RFTN2: variants seen among roughly 807,000 people sequenced by gnomAD.
The protein encoded by RFTN2 is raftlin family member 2, also known as raftlin-2.
RFTN2 carries 34 observed loss-of-function variants against 52.7 expected under a neutral mutation model. The ratio of observed to expected loss-of-function variants is 0.64; its 90% confidence interval spans 0.49 to 0.86. The LOEUF is 0.86. Ranked by LOEUF, RFTN2 falls within the 40% of genes least tolerant of loss-of-function variation. The pLI, the probability that RFTN2 is intolerant of heterozygous loss-of-function variation, is 0.00. For missense variants in RFTN2, 536 were observed against 600.1 expected (o/e 0.89, Z 1.12); for synonymous variants, 203 against 217.7 (o/e 0.93, Z 0.59).
intron 5 of RFTN2, among the ~76,000 whole-genome samples, chr2:197,619,343 CG>C (rs1429977690): frequency 7.0e-4 from 107 of 152,184 alleles, no homozygotes; most frequent in Middle Eastern, 6.8e-3. Context: ...GGATGGTTGC[CG>C]TGTCTGTGTA....
chr2:197,626,709 C>T (rs927686116), intron 5 of RFTN2, among the ~76,000 whole-genome samples: 1 of 134,452 alleles, frequency 7.4e-6, no homozygotes, highest in African/African-American at 2.9e-5. Context: ...GCAACCTCTG[C>T]CTCCTGGCAA....
intron 1 of RFTN2, among the ~76,000 whole-genome samples, chr2:197,653,098 A>G (rs2088846197): frequency 6.6e-6 from 1 of 152,206 alleles, no homozygotes; most frequent in Non-Finnish European, 1.5e-5. Flanking sequence ...TATATTATTA[A>G]TATCTGCCTC....
chr2:197,605,956 C>T (rs2087955499), intron 7 of RFTN2, among the ~76,000 whole-genome samples: 1 of 152,196 alleles, frequency 6.6e-6, no homozygotes, highest in Admixed American at 6.5e-5. Flanking sequence ...CTACCATATT[C>T]ACCTGCCTTA....
chr2:197,619,448 A>G (rs1362630605), intron 5 of RFTN2, among the ~76,000 whole-genome samples: 2 of 152,082 alleles, frequency 1.3e-5, no homozygotes, highest in African/African-American at 2.4e-5. Flanking sequence ...CTTACCCCCA[A>G]CCCTGTGCTC....
At position 197,569,000 on chromosome 2, in the gene RFTN2, T is replaced by C. The variant is rs569179513; in HGVS notation, c.*3008A>G. On this transcript the variant is annotated 3_prime_UTR_variant, in exon 9 of 9. Transcript: ENST00000295049. The stretch of plus-strand genomic sequence containing the variant: ...AAGCCCTAGAATCTCTCAAAGAGGG[T>C]GACCTTTCCTTTTCTCTTTTACTGA... 6.6e-6 allele frequency: 1 copy of C among 152,352 alleles called. No homozygotes were observed. The highest frequency in any genetic ancestry group is 2.4e-5 in the African/African-American group (1 of 41,578). The allele number at this position is 152,352 out of a possible 1,614,324, so 9.4% of individuals were successfully genotyped here.
chr2:197,613,716 C>G (rs758878829), intron 7 of RFTN2, among the ~76,000 whole-genome samples: 2 of 152,208 alleles, frequency 1.3e-5, no homozygotes, highest in Non-Finnish European at 2.9e-5. Flanking sequence ...TACCAAATGA[C>G]CTTCATCCTA....
intron 1 of RFTN2, 126 bp from the exon 2 acceptor site, chr2:197,646,792 G>A: frequency 1.6e-6 from 1 of 621,950 alleles, no homozygotes; most frequent in East Asian, 3.7e-5. Flanking sequence ...GCACATGCGT[G>A]TAATCCCAGC....
chr2:197,637,266 G>A (rs1225692561), intron 3 of RFTN2, among the ~76,000 whole-genome samples: 1 of 152,072 alleles, frequency 6.6e-6, no homozygotes, highest in Non-Finnish European at 1.5e-5. Flanking sequence ...AAATGAGTTA[G>A]GGAGGATTCC....
intron 5 of RFTN2, among the ~76,000 whole-genome samples, chr2:197,628,891 C>T (rs1365285110): frequency 6.6e-6 from 1 of 152,210 alleles, no homozygotes; most frequent in Non-Finnish European, 1.5e-5. Context: ...GAAGATGACA[C>T]AGCTAATAAG....
At chr2:197,610,082 T>C (rs559768515) in intron 7 of RFTN2, among the ~76,000 whole-genome samples, 1 of 152,350 alleles carries the variant, frequency 6.6e-6, no homozygotes, top group African/African-American at 2.4e-5. Flanking sequence ...TGGCTTAGGA[T>C]TTTCTTGGCA....
Position 197,572,059 on chromosome 2 carries a change from G to A in RFTN2, c.1455C>T (p.Asp485=), listed in dbSNP as rs368192337. The change falls in exon 9 of 9, where the codon GAC becomes GAT. Residue 485 remains aspartate (D), a synonymous_variant. Transcript: ENST00000295049. The part of the protein sequence containing the change: ...SSSDNVLREL[D]DGQFDQEDGV... ...CATCTTCCTGATCAAACTGTCCGTC[G>A]TCTAATTCCCGGAGGACGTTGTCAC... is the stretch of plus-strand genomic sequence containing the variant. 1.5e-5 allele frequency: 24 copies of A among 1,614,050 alleles called. 1 individual carries two copies. The highest frequency in any genetic ancestry group is 1.6e-4 in the Middle Eastern group (1 of 6,084).
At chr2:197,664,933 T>G (rs2089030869) in intron 1 of RFTN2, among the ~76,000 whole-genome samples, 1 of 152,152 alleles carries the variant, frequency 6.6e-6, no homozygotes, top group African/African-American at 2.4e-5. Flanking sequence ...TAACGTCCGG[T>G]TTAAATCCAG....
chr2:197,598,721 AG>A (rs2087830552), intron 7 of RFTN2, among the ~76,000 whole-genome samples: 1 of 152,194 alleles, frequency 6.6e-6, no homozygotes, highest in African/African-American at 2.4e-5. Context: ...CAGGCTGCCC[AG>A]GTGGCCCTGA....
At chr2:197,656,850 AC>A (rs1017232771) in intron 1 of RFTN2, among the ~76,000 whole-genome samples, 1 of 151,990 alleles carries the variant, frequency 6.6e-6, no homozygotes, top group Non-Finnish European at 1.5e-5. Context: ...AGAGTCCTTG[AC>A]TCAAATGCCT....
intron 1 of RFTN2, among the ~76,000 whole-genome samples, chr2:197,663,646 T>G (rs575110546): frequency 6.6e-6 from 1 of 152,318 alleles, no homozygotes; most frequent in East Asian, 1.9e-4. Context: ...AATGATCTTT[T>G]GTATTTCTGT....
At chr2:197,619,430 T>G (rs929261188) in intron 5 of RFTN2, among the ~76,000 whole-genome samples, 2 of 152,212 alleles carry the variant, frequency 1.3e-5, no homozygotes, top group African/African-American at 4.8e-5. Context: ...ATCCTGTTGA[T>G]TGGTGACCTT....
chr2:197,619,284 G>A lies in RFTN2; in HGVS notation c.929-1363C>T, dbSNP rs867440197. 1.7e-3 allele frequency among the ~76,000 whole-genome samples: 255 copies of A among 152,144 alleles called. 1 individual carries two copies. Among genetic ancestry groups the A allele is most frequent in the African/African-American group, 5.9e-3 (243 of 41,490 alleles). On this transcript the variant is annotated intron_variant, in intron 5 of 8. Coordinates refer to ENST00000295049, the MANE Select transcript of RFTN2 (RefSeq NM_144629.3). ...AGAACGGGCCATGATGACAATGGCG[G>A]TTTTGTAGAATAGAAAGGGGGGAAA...
intron 5 of RFTN2, among the ~76,000 whole-genome samples, chr2:197,625,168 C>T (rs2088333819): frequency 6.6e-6 from 1 of 152,076 alleles, no homozygotes; most frequent in South Asian, 2.1e-4. Context: ...CAAATATATT[C>T]ATCTTACATA....
Position 197,672,874 on chromosome 2 carries a change from CAG to C in RFTN2, c.139+2444_139+2445del, listed in dbSNP as rs543810176. ...TGTGGGGAAGGGAGAGGGAGAGAGA[CAG>C]AGACAGAGAGATAAGGAGAGAATGG... On this transcript the variant is annotated intron_variant, in intron 1 of 8. Transcript: ENST00000295049. Among the ~76,000 whole-genome samples the C allele has an allele frequency of 8.3e-4, 126 of 151,524 alleles. 2 individuals are homozygous for C. The highest frequency in any genetic ancestry group is 2.7e-3 in the South Asian group (13 of 4,744).
Sources: allele counts gnomAD v4.1 joint callset (sites outside exome capture counted in the v4.1 genomes callset), GRCh38; gene constraint gnomAD v4.1.1; transcripts MANE v1.5; gene names NCBI Gene and HGNC (gene_info 2026-07-23, HGNC 2026-07-21).